Variants in TMEM178B observed in about 807,000 individuals in gnomAD.
The protein encoded by TMEM178B is transmembrane protein 178B.
Under a neutral mutation model 31.0 loss-of-function variants are expected in TMEM178B, and 5 were observed. That is an observed-to-expected ratio of 0.16 (90% CI 0.08 to 0.34). The LOEUF (loss-of-function observed/expected upper bound fraction) is 0.34. TMEM178B is among the 10% of genes least tolerant of loss of function. The pLI, the probability that TMEM178B is intolerant of heterozygous loss-of-function variation, is 1.00. For synonymous variants in TMEM178B, 164 were observed against 164.0 expected (o/e 1.00, Z 0.00); for missense variants, 275 against 400.3 (o/e 0.69, Z 2.67).
At chr7:141,288,206 T>C (rs34711426) in intron 2 of TMEM178B, among the ~76,000 whole-genome samples, 63,424 of 150,260 alleles carry the variant, frequency 0.42, 14,149 homozygotes, top group Admixed American at 0.54. Context: ...TTTTTTTTTT[T>C]CCCCCTCTGG....
At chr7:141,240,343 C>T (rs1473210303) in intron 2 of TMEM178B, among the ~76,000 whole-genome samples, 1 of 152,184 alleles carries the variant, frequency 6.6e-6, no homozygotes, top group Non-Finnish European at 1.5e-5. Context: ...GTTTTATGTG[C>T]AGTACAAAGA....
chr7:141,140,176 C>T (rs1446290192), intron 1 of TMEM178B, among the ~76,000 whole-genome samples: 1 of 152,198 alleles, frequency 6.6e-6, no homozygotes, highest in East Asian at 1.9e-4. Context: ...TATGGCACTT[C>T]AGGCATCTGG....
intron 1 of TMEM178B, among the ~76,000 whole-genome samples, chr7:141,155,972 G>A (rs1438749688): frequency 2.0e-5 from 3 of 152,190 alleles, no homozygotes; most frequent in Non-Finnish European, 4.4e-5. Flanking sequence ...GGCTGAGGCA[G>A]GAGAATCGCT....
At chr7:141,166,557 C>T (rs1250871730) in intron 1 of TMEM178B, among the ~76,000 whole-genome samples, 1 of 152,166 alleles carries the variant, frequency 6.6e-6, no homozygotes, top group Non-Finnish European at 1.5e-5. Context: ...TCAGAGCCAC[C>T]TTCTAGTATC....
intron 1 of TMEM178B, among the ~76,000 whole-genome samples, chr7:141,159,433 C>G (rs1288552536): frequency 6.6e-6 from 1 of 152,188 alleles, no homozygotes; most frequent in Non-Finnish European, 1.5e-5. Context: ...TATGATCCAG[C>G]AATTCTACTT....
intron 2 of TMEM178B, among the ~76,000 whole-genome samples, chr7:141,360,250 A>G (rs995106164): frequency 2.0e-5 from 3 of 152,324 alleles, no homozygotes; most frequent in Non-Finnish European, 4.4e-5. Context: ...GGAAGGGAAG[A>G]TAGGGATGGC....
intron 2 of TMEM178B, among the ~76,000 whole-genome samples, chr7:141,345,602 C>A (rs541297848): frequency 9.8e-5 from 15 of 152,314 alleles, no homozygotes; most frequent in African/African-American, 3.6e-4. Flanking sequence ...TTTTGTCATT[C>A]TCTTTACCCT....
At chr7:141,213,668 G>A (rs1391394440) in intron 2 of TMEM178B, among the ~76,000 whole-genome samples, 1 of 152,118 alleles carries the variant, frequency 6.6e-6, no homozygotes, top group Non-Finnish European at 1.5e-5. Context: ...CTCCTTATAG[G>A]TGCTTAGTTA....
chr7:141,235,185 T>C (rs997289957), intron 2 of TMEM178B, among the ~76,000 whole-genome samples: 1 of 152,238 alleles, frequency 6.6e-6, no homozygotes, highest in Non-Finnish European at 1.5e-5. Context: ...GGGAATGACC[T>C]TTACCAAATT....
intron 2 of TMEM178B, chr7:141,430,336 A>G (rs1341055807): frequency 6.6e-6 from 1 of 152,202 alleles, no homozygotes; most frequent in Non-Finnish European, 1.5e-5. Flanking sequence ...ACATGAAAAA[A>G]TGAGAATTGC....
At chr7:141,340,730 C>G (rs1261682507) in intron 2 of TMEM178B, among the ~76,000 whole-genome samples, 1 of 152,168 alleles carries the variant, frequency 6.6e-6, no homozygotes, top group Non-Finnish European at 1.5e-5. Context: ...AAATATCATA[C>G]CTTGACATGA....
At chr7:141,213,754 G>T (rs1355820550) in intron 2 of TMEM178B, among the ~76,000 whole-genome samples, 1 of 152,184 alleles carries the variant, frequency 6.6e-6, no homozygotes, top group Non-Finnish European at 1.5e-5. Context: ...ACAGCTTCGG[G>T]TGGGAGTGGG....
intron 2 of TMEM178B, among the ~76,000 whole-genome samples, chr7:141,377,224 C>T (rs889485779): frequency 2.0e-5 from 3 of 150,816 alleles, no homozygotes; most frequent in Admixed American, 2.0e-4. Context: ...GCTCTTGTCA[C>T]CCAGGCTGGA....
intron 2 of TMEM178B, among the ~76,000 whole-genome samples, chr7:141,254,515 C>T (rs11973214): frequency 0.022 from 3,351 of 152,132 alleles, 110 homozygotes; most frequent in African/African-American, 0.076. Context: ...GTCAGGAGTT[C>T]GAGACCAGCC....
intron 2 of TMEM178B, among the ~76,000 whole-genome samples, chr7:141,365,873 G>A (rs117197368): frequency 7.9e-4 from 120 of 152,310 alleles, no homozygotes; most frequent in Non-Finnish European, 1.0e-3. Context: ...TAAGGTCACC[G>A]TCACAGGTTC....
chr7:141,486,923 G>C, the TMEM178B span, among the ~76,000 whole-genome samples: 1 of 152,098 alleles, frequency 6.6e-6, no homozygotes, highest in African/African-American at 2.4e-5. Context: ...GTTTTAAATA[G>C]GGACAGATGA....
At chr7:141,408,021 T>C (rs1330768344) in intron 2 of TMEM178B, among the ~76,000 whole-genome samples, 1 of 152,100 alleles carries the variant, frequency 6.6e-6, no homozygotes, top group Non-Finnish European at 1.5e-5. Context: ...ACCAGAGACT[T>C]TACACACATC....
At chr7:141,401,105 C>G (rs567951127) in intron 2 of TMEM178B, among the ~76,000 whole-genome samples, 1 of 152,142 alleles carries the variant, frequency 6.6e-6, no homozygotes, top group African/African-American at 2.4e-5. Context: ...GGAGCCTCTT[C>G]TTCATCCTCA....
intron 1 of TMEM178B, among the ~76,000 whole-genome samples, chr7:141,180,463 C>CAAAAAAA (rs57969132): frequency 2.0e-4 from 17 of 83,258 alleles, no homozygotes; most frequent in Non-Finnish European, 3.3e-4. Context: ...GAGCCCATCT[C>CAAAAAAA]AAAAAAAAAA....
Sources: allele counts gnomAD v4.1 joint callset (sites outside exome capture counted in the v4.1 genomes callset), GRCh38; gene constraint gnomAD v4.1.1; transcripts MANE v1.5; gene names NCBI Gene and HGNC (gene_info 2026-07-23, HGNC 2026-07-21).